SLK: variants seen among roughly 807,000 people sequenced by gnomAD.
SLK encodes the protein STE20-like serine/threonine-protein kinase.
A neutral mutation model predicts 147.7 loss-of-function variants in SLK; 67 were observed. The ratio of observed to expected loss-of-function variants is 0.45; its 90% CI spans 0.37 to 0.56. SLK has a LOEUF of 0.56. Ranked by LOEUF, SLK falls within the 20% of genes least tolerant of loss-of-function variation. The probability of loss-of-function intolerance (pLI) is 0.00; values close to 1 mark genes in which losing one functional copy is unlikely to be tolerated. For synonymous variants in SLK, 441 were observed against 475.0 expected, an observed-to-expected ratio of 0.93 and a Z score of 0.93; for missense variants, 1,136 against 1,438.8, an observed-to-expected ratio of 0.79 and a Z score of 3.41.
intron 1 of SLK, among the ~76,000 whole-genome samples, chr10:103,969,037 C>T (rs1417254206): frequency 4.6e-5 from 7 of 152,004 alleles, no homozygotes; most frequent in Admixed American, 3.9e-4. Context: ...AGCGCGATCT[C>T]GGCTCACTGC....
Position 103,967,642 on chromosome 10 carries a change from C to T in SLK, c.-104C>T, listed in dbSNP as rs1314661139. On this transcript the variant is annotated 5_prime_UTR_variant, in exon 1 of 19. Coordinates refer to ENST00000369755, the MANE Select transcript of SLK (RefSeq NM_014720.4). ...GCTGCGGGGGCCGAGGGACGCCGCG[C>T]CCGCCGCCGCCAGCCGGGCTCGCGC... 21 of 1,062,542 alleles carry T rather than the reference C, an allele frequency of 2.0e-5. No individual in the cohort carries two copies. Among genetic ancestry groups the T allele is most frequent in the African/African-American group, 3.4e-5 (2 of 59,414 alleles). The allele number at this position is 1,062,542 out of a possible 1,614,324, so 65.8% of individuals were successfully genotyped here. A position where few individuals can be genotyped will look rare whatever the true frequency, so the allele number is the denominator to read the frequency against.
In SLK at chr10:104,003,500, T is replaced by G; in HGVS notation, c.2322T>G (p.Thr774=). The G allele has an allele frequency of 6.3e-7, 1 of 1,590,074 alleles. No homozygotes were observed. The highest frequency in any genetic ancestry group is 8.6e-7 in the Non-Finnish European group (1 of 1,169,552). Residue 774 remains threonine, a synonymous_variant, in exon 9 of 19, where the codon ACT becomes ACG. Transcript: ENST00000369755. ...NLSISSFLSK[T]KDSGSISLQE... ...CCATCTCTAGCTTTCTAAGTAAAAC[T>G]AAAGACAGTGGATCGATATCTTTAC...
At chr10:103,990,361 C>G (rs764929094) in intron 1 of SLK, among the ~76,000 whole-genome samples, 3 of 152,186 alleles carry the variant, frequency 2.0e-5, no homozygotes, top group Non-Finnish European at 4.4e-5. Flanking sequence ...GTAGGTTCAT[C>G]ATAGCAACAG....
chr10:103,971,587 CTT>C (rs1843794811), intron 1 of SLK, among the ~76,000 whole-genome samples: 1 of 152,218 alleles, frequency 6.6e-6, no homozygotes, highest in African/African-American at 2.4e-5. Context: ...CTGGATTTCT[CTT>C]GTTTTTAACA....
Position 104,003,101 on chromosome 10 carries a change from A to G in SLK, c.1923A>G (p.Glu641=). 6.2e-7 allele frequency: 1 copy of G among 1,614,164 alleles called. No homozygotes were observed. Among genetic ancestry groups the G allele is most frequent in the Non-Finnish European group, 8.5e-7 (1 of 1,180,018 alleles). ...NEEPGTTEGE[E]ITESSSTEEM... ...AACCAGGAACAACTGAAGGTGAAGAAATCACTGAGTCAAGTAGCACTGAAG... is the reference window on the plus strand; with the variant it reads ...AACCAGGAACAACTGAAGGTGAAGAGATCACTGAGTCAAGTAGCACTGAAG... Residue 641 remains glutamate (E), a synonymous_variant, in exon 9 of 19, where the codon GAA becomes GAG. Transcript: ENST00000369755.
intron 7 of SLK, among the ~76,000 whole-genome samples, chr10:104,000,305 ATGT>A (rs1380299425): frequency 3.3e-5 from 5 of 152,238 alleles, no homozygotes; most frequent in Non-Finnish European, 7.3e-5. Flanking sequence ...ACTTAAAAAA[ATGT>A]TGTTAAAGCG....
Position 104,002,341 on chromosome 10 carries a change from A to T in SLK, c.1163A>T (p.Asp388Val). The change falls in exon 9 of 19, where the codon GAT becomes GTT. Residue 388 changes from aspartate to valine, a missense_variant. Asp to Val is a radical substitution (Grantham distance 152). Around this residue, in one of 6 missense-constraint regions of SLK, gnomAD observed 516 missense variants for 531.3 expected, o/e 0.97. Coordinates refer to ENST00000369755, the MANE Select transcript of SLK (RefSeq NM_014720.4). The stretch of plus-strand genomic sequence containing the variant: ...ATTCTTAATGAAAAACCCACCACTG[A>T]TGAACCTGAAAAGGCTGTGGAGGAT... ...SKILNEKPTT[D>V]EPEKAVEDIN... 6.2e-7 allele frequency: 1 copy of T among 1,613,646 alleles called. No individual in the cohort carries two copies. The highest frequency in any genetic ancestry group is 2.2e-5 in the East Asian group (1 of 44,860).
At chr10:104,008,390 CT>C (rs201745732) in intron 12 of SLK, 34 bp downstream of exon 12, 3 of 1,348,536 alleles carry the variant, frequency 2.2e-6, no homozygotes, top group African/African-American at 3.0e-5. Flanking sequence ...ATTACTAAAG[CT>C]TTTTTTTTAA....
At chr10:103,974,801 C>G (rs1307469380) in intron 1 of SLK, 6 of 137,202 alleles carry the variant, frequency 4.4e-5, no homozygotes, top group South Asian at 2.9e-4. Context: ...CAGGTGCCTG[C>G]TACCACGCCC....
At chr10:103,979,712 T>C (rs948274967) in intron 1 of SLK, among the ~76,000 whole-genome samples, 2 of 152,222 alleles carry the variant, frequency 1.3e-5, no homozygotes, top group Admixed American at 6.5e-5. Context: ...GGGCTCTCTT[T>C]CTTTTTCTTA....
chr10:104,002,335 C>T lies in SLK; in HGVS notation c.1157C>T (p.Thr386Ile), dbSNP rs754633596. Residue 386 changes from threonine (T) to isoleucine (I), a missense_variant, in exon 9 of 19, where the codon ACC becomes ATC. Thr to Ile is a moderately conservative substitution (Grantham distance 89). This residue lies in a region of SLK where 516 missense variants were observed against 531.3 expected (regional missense o/e 0.97). Coordinates refer to ENST00000369755, the MANE Select transcript of SLK (RefSeq NM_014720.4). ...LNSKILNEKPTTDEPEKAVED... is the reference protein window; with the variant it reads ...LNSKILNEKPITDEPEKAVED... ...AGCAAAATTCTTAATGAAAAACCCA[C>T]CACTGATGAACCTGAAAAGGCTGTG... is the stretch of plus-strand genomic sequence containing the variant. 18 of 1,613,508 alleles carry T rather than the reference C, an allele frequency of 1.1e-5. No individual in the cohort carries two copies. The highest frequency in any genetic ancestry group is 1.6e-4 in the Middle Eastern group (1 of 6,084).
chr10:103,969,130 C>T (rs1843759685), intron 1 of SLK, among the ~76,000 whole-genome samples: 1 of 152,094 alleles, frequency 6.6e-6, no homozygotes, highest in Non-Finnish European at 1.5e-5. Flanking sequence ...CCACCATGCC[C>T]GGCTAATTTT....
In SLK at chr10:104,028,323, T is replaced by TC. The variant is rs1564667140; in HGVS notation, c.*2603_*2604insC. 5 of 152,252 alleles carry TC rather than the reference T, an allele frequency of 3.3e-5. No homozygotes were observed. Among genetic ancestry groups the TC allele is most frequent in the Non-Finnish European group, 7.3e-5 (5 of 68,078 alleles). The allele number at this position is 152,252 out of a possible 1,614,324, so 9.4% of individuals were successfully genotyped here. The stretch of plus-strand genomic sequence containing the variant: ...CTGAGTGCTGTGAACACAGCAGACC[T>TC]GCACACTTCTGCAGATCCAGCTCCT... On this transcript the variant is annotated 3_prime_UTR_variant, in exon 19 of 19. Coordinates refer to ENST00000369755, the MANE Select transcript of SLK (RefSeq NM_014720.4).
At chr10:103,988,519 A>G (rs376830466) in intron 1 of SLK, among the ~76,000 whole-genome samples, 2 of 152,330 alleles carry the variant, frequency 1.3e-5, no homozygotes. Context: ...TTCACACACA[A>G]AAATTTGCAA....
chr10:104,001,369 T>C, intron 7 of SLK, 75 bp from the exon 8 acceptor site: 15 of 1,165,508 alleles, frequency 1.3e-5, no homozygotes, highest in Non-Finnish European at 1.8e-5. Flanking sequence ...CACATAAGAA[T>C]GTGTGTTGTG....
intron 1 of SLK, among the ~76,000 whole-genome samples, chr10:103,978,389 A>G (rs932432924): frequency 9.2e-5 from 14 of 152,136 alleles, no homozygotes; most frequent in Non-Finnish European, 1.5e-4. Flanking sequence ...TCTCTATGTC[A>G]AGGTACACTT....
chr10:103,978,526 C>G (rs1439507364), intron 1 of SLK, among the ~76,000 whole-genome samples: 1 of 151,998 alleles, frequency 6.6e-6, no homozygotes, highest in Non-Finnish European at 1.5e-5. Flanking sequence ...AAAATTTTAA[C>G]AAAAGAACTA....
chr10:104,009,045 G>A (rs1206351908), intron 12 of SLK, among the ~76,000 whole-genome samples: 1 of 152,032 alleles, frequency 6.6e-6, no homozygotes, highest in East Asian at 1.9e-4. Flanking sequence ...GAATCTGTTT[G>A]CAGTATAAAA....
At chr10:103,990,476 C>A (rs1043318350) in intron 1 of SLK, among the ~76,000 whole-genome samples, 199 bp from the exon 2 acceptor site, 1 of 152,266 alleles carries the variant, frequency 6.6e-6, no homozygotes, top group Non-Finnish European at 1.5e-5. Context: ...CTAAAACTTT[C>A]CTTTATCAAA....
Sources: gnomAD v4.1 joint callset for allele counts (sites outside exome capture counted in the v4.1 genomes callset) on GRCh38, gnomAD v4.1.1 for gene constraint, gnomAD v4.1.1 regional missense constraint, MANE v1.5 for transcripts, NCBI Gene and HGNC (gene_info 2026-07-23, HGNC 2026-07-21) for gene names.